SAMTOR: variants seen among roughly 807,000 people sequenced by gnomAD.
SAMTOR encodes the protein UPF0532 protein C7orf60.
At chr7:112,854,102 C>A in the SAMTOR span, among the ~76,000 whole-genome samples, 1 of 152,022 alleles carries the variant, frequency 6.6e-6, no homozygotes. Context: ...GACATAAAAT[C>A]ATTAGTTCCT....
At chr7:112,903,641 T>C in the SAMTOR span, among the ~76,000 whole-genome samples, 2 of 152,152 alleles carry the variant, frequency 1.3e-5, no homozygotes, top group Non-Finnish European at 2.9e-5. Context: ...TTTCTGTAAC[T>C]GACTCTCAAA....
chr7:112,860,607 A>C, the SAMTOR span, among the ~76,000 whole-genome samples: 1 of 152,190 alleles, frequency 6.6e-6, no homozygotes, highest in Non-Finnish European at 1.5e-5. Context: ...TGCAAGAAAA[A>C]AAGTCAACAG....
the SAMTOR span, chr7:112,895,889 T>G: frequency 2.1e-6 from 1 of 466,830 alleles, no homozygotes. Context: ...TTTGAGCACC[T>G]TGTAGCACTT....
At chr7:112,862,011 T>C in the SAMTOR span, among the ~76,000 whole-genome samples, 2 of 152,170 alleles carry the variant, frequency 1.3e-5, no homozygotes, top group African/African-American at 4.8e-5. Context: ...CCAAGAACGT[T>C]GGGAGGCTGA....
the SAMTOR span, among the ~76,000 whole-genome samples, chr7:112,870,433 T>A: frequency 6.6e-6 from 1 of 152,132 alleles, no homozygotes; most frequent in African/African-American, 2.4e-5. Context: ...GAATTTCATA[T>A]CCCACCAAAC....
the SAMTOR span, among the ~76,000 whole-genome samples, chr7:112,880,660 G>T: frequency 6.6e-6 from 1 of 152,054 alleles, no homozygotes; most frequent in African/African-American, 2.4e-5. Context: ...GAGACATCTG[G>T]TATTTGTAAT....
At chr7:112,881,875 G>A in the SAMTOR span, among the ~76,000 whole-genome samples, 18 of 152,330 alleles carry the variant, frequency 1.2e-4, 1 homozygote, top group South Asian at 2.5e-3. Flanking sequence ...TGAAAGAGCT[G>A]AACAAAACAG....
At chr7:112,870,066 A>G in the SAMTOR span, among the ~76,000 whole-genome samples, 1 of 152,228 alleles carries the variant, frequency 6.6e-6, no homozygotes, top group African/African-American at 2.4e-5. Flanking sequence ...AAAGCGATCA[A>G]ATCTACAACT....
chr7:112,932,493 G>T, the SAMTOR span, among the ~76,000 whole-genome samples: 1 of 152,240 alleles, frequency 6.6e-6, no homozygotes, highest in Admixed American at 6.5e-5. Flanking sequence ...AATATAAAAA[G>T]ATAAAACTCA....
chr7:112,845,250 T>C, the SAMTOR span, among the ~76,000 whole-genome samples: 1 of 152,126 alleles, frequency 6.6e-6, no homozygotes, highest in African/African-American at 2.4e-5. Context: ...TGGGATCTAA[T>C]TAAACTTAAA....
At chr7:112,906,078 CACA>C in the SAMTOR span, among the ~76,000 whole-genome samples, 2 of 152,110 alleles carry the variant, frequency 1.3e-5, no homozygotes, top group African/African-American at 2.4e-5. Context: ...TATGTACACA[CACA>C]ACAATATCCT....
the SAMTOR span, among the ~76,000 whole-genome samples, chr7:112,913,862 T>C: frequency 6.6e-6 from 1 of 152,188 alleles, no homozygotes; most frequent in East Asian, 1.9e-4. Context: ...TTACTTAAAA[T>C]TGTTTTAGTT....
At chr7:112,850,115 C>T in the SAMTOR span, among the ~76,000 whole-genome samples, 1 of 152,052 alleles carries the variant, frequency 6.6e-6, no homozygotes, top group Non-Finnish European at 1.5e-5. Flanking sequence ...CTGAGGGAAT[C>T]GCTTGGACCC....
At chr7:112,873,465 AAGAAGTCCC>A in the SAMTOR span, among the ~76,000 whole-genome samples, 17 of 152,298 alleles carry the variant, frequency 1.1e-4, 1 homozygote, top group South Asian at 3.5e-3. Flanking sequence ...GCAATGGGGA[AAGAAGTCCC>A]TATTTAATAA....
chr7:112,821,766 T>C, the SAMTOR span: 1 of 1,603,960 alleles, frequency 6.2e-7, no homozygotes, highest in East Asian at 2.2e-5. Context: ...TAATATGGGG[T>C]CTTCTAGCTC....
the SAMTOR span, among the ~76,000 whole-genome samples, chr7:112,903,735 T>C: frequency 2.4e-3 from 368 of 152,240 alleles, no homozygotes; most frequent in African/African-American, 8.3e-3. Flanking sequence ...TAGAGTAACA[T>C]TTTTTCAGAA....
the SAMTOR span, among the ~76,000 whole-genome samples, chr7:112,914,294 T>TA: frequency 2.0e-5 from 3 of 150,016 alleles, no homozygotes; most frequent in South Asian, 6.3e-4. Context: ...TTTTTTTTTT[T>TA]GGTCCAGGGT....
At chr7:112,885,490 G>A in the SAMTOR span, among the ~76,000 whole-genome samples, 143 of 152,226 alleles carry the variant, frequency 9.4e-4, 2 homozygotes, top group East Asian at 0.027. Context: ...CAAGTTCAAA[G>A]TTCCACAGAT....
chr7:112,897,022 T>C, the SAMTOR span, among the ~76,000 whole-genome samples: 1 of 152,158 alleles, frequency 6.6e-6, no homozygotes, highest in Non-Finnish European at 1.5e-5. Context: ...GAAAAAACCC[T>C]GAGCCTAGTG....
Sources: allele counts gnomAD v4.1 joint callset (sites outside exome capture counted in the v4.1 genomes callset), GRCh38; gene constraint gnomAD v4.1.1; transcripts MANE v1.5; gene names NCBI Gene and HGNC (gene_info 2026-07-23, HGNC 2026-07-21).